The following SNRPN variants were observed in gnomAD, a reference collection of about 807,000 sequenced individuals.
The protein encoded by SNRPN is small nuclear ribonucleoprotein polypeptide N, also known as small nuclear ribonucleoprotein-associated protein N.
SNRPN carries 7 observed loss-of-function variants against 25.2 expected under a neutral mutation model. The ratio of observed to expected loss-of-function variants is 0.28; its 90% CI spans 0.16 to 0.52. SNRPN has a LOEUF of 0.52. Ranked by LOEUF, SNRPN falls within the 20% of genes least tolerant of loss-of-function variation. The pLI is 0.96. For missense variants in SNRPN, 196 were observed against 322.5 expected (o/e 0.61, Z 3.00); for synonymous variants, 124 against 110.6 (o/e 1.12, Z -0.76).
intron 3 of SNRPN, 59 bp from the exon 4 acceptor site, chr15:24,974,252 T>C (rs1308447768): frequency 3.4e-6 from 2 of 594,030 alleles, no homozygotes; most frequent in Admixed American, 3.0e-5. Flanking sequence ...TGCAAAATTG[T>C]CTGCCTGTTT....
At chr15:24,839,668 C>G (rs935617947) in intron 2 of SNRPN, among the ~76,000 whole-genome samples, 4 of 152,108 alleles carry the variant, frequency 2.6e-5, no homozygotes, top group Admixed American at 6.5e-5. Context: ...ATGATGATGA[C>G]AACCACAGCC....
intron 1 of SNRPN, among the ~76,000 whole-genome samples, chr15:24,881,280 T>A (rs1395539505): frequency 1.3e-5 from 2 of 151,432 alleles, no homozygotes; most frequent in East Asian, 3.9e-4. Flanking sequence ...CTCAGCACTT[T>A]GGGACGCCAA....
chr15:24,958,386 C>CTTT (rs75210247), intron 1 of SNRPN, among the ~76,000 whole-genome samples: 1 of 124,218 alleles, frequency 8.1e-6, no homozygotes, highest in African/African-American at 2.9e-5. Context: ...GTCCTGTCTC[C>CTTT]TTTTTTTTTT....
chr15:24,906,115 T>G (rs1391801450), intron 2 of SNRPN, among the ~76,000 whole-genome samples: 2 of 151,870 alleles, frequency 1.3e-5, no homozygotes, highest in Non-Finnish European at 2.9e-5. Context: ...GAATCCTGGG[T>G]TTTTTTGTTT....
chr15:24,905,282 G>A (rs535340883), intron 2 of SNRPN, among the ~76,000 whole-genome samples: 6 of 152,096 alleles, frequency 3.9e-5, no homozygotes, highest in African/African-American at 1.2e-4. Context: ...AGGCCGAGGT[G>A]GGGGGATTAT....
upstream of SNRPN, among the ~76,000 whole-genome samples, chr15:24,853,209 A>G (rs1044206100): frequency 6.6e-6 from 1 of 152,176 alleles, no homozygotes; most frequent in Admixed American, 6.5e-5. Context: ...ATTATCATTC[A>G]CTGCTATCCA....
At chr15:24,970,746 G>A (rs1472230857) in intron 3 of SNRPN, among the ~76,000 whole-genome samples, 2 of 152,110 alleles carry the variant, frequency 1.3e-5, no homozygotes, top group African/African-American at 2.4e-5. Flanking sequence ...CATGAGAAGT[G>A]CTGATGGCCA....
chr15:24,947,056 A>G (rs1211591976), intron 3 of SNRPN, among the ~76,000 whole-genome samples: 1 of 152,126 alleles, frequency 6.6e-6, no homozygotes, highest in African/African-American at 2.4e-5. Flanking sequence ...ATCATTTCCA[A>G]TATTTTGTTT....
intron 3 of SNRPN, chr15:24,968,772 G>T (rs1008515332): frequency 2.6e-5 from 4 of 151,978 alleles, no homozygotes; most frequent in African/African-American, 7.2e-5. Context: ...TTTAACCAAT[G>T]TATTTCCTCT....
intron 3 of SNRPN, among the ~76,000 whole-genome samples, chr15:24,972,959 C>G (rs1024551401): frequency 7.2e-5 from 11 of 152,304 alleles, no homozygotes; most frequent in African/African-American, 2.6e-4. Context: ...GCCATCTCAG[C>G]TCACTGCAAA....
intron 3 of SNRPN, among the ~76,000 whole-genome samples, chr15:24,945,425 C>T (rs2061820207): frequency 1.3e-5 from 2 of 150,220 alleles, no homozygotes; most frequent in Admixed American, 6.7e-5. Context: ...TGTAATCCCA[C>T]CTACTTGAGA....
chr15:24,917,877 T>C (rs1163026659), intron 2 of SNRPN, among the ~76,000 whole-genome samples: 1 of 152,250 alleles, frequency 6.6e-6, no homozygotes, highest in Non-Finnish European at 1.5e-5. Context: ...ATTAATCTTA[T>C]ACTTTTTTCT....
intron 2 of SNRPN, among the ~76,000 whole-genome samples, chr15:24,839,704 T>C (rs1031187698): frequency 6.6e-6 from 1 of 152,130 alleles, no homozygotes; most frequent in African/African-American, 2.4e-5. Flanking sequence ...GCTCTGTTGT[T>C]TCACTGAGCC....
chr15:24,874,042 C>T lies in SNRPN; in HGVS notation c.-578-12474C>T, dbSNP rs1006687566. On this transcript the variant is annotated intron_variant, in intron 1 of 11. Coordinates refer to the SNRPN transcript ENST00000400097. ...AAAAAAAAAAAAAGGCTGCCCGCTG[C>T]GGTGGCTCACGCCTGTAATCCACTT... Among the ~76,000 whole-genome samples the T allele has an allele frequency of 2.5e-4, 38 of 150,468 alleles. 1 individual carries two copies. Among genetic ancestry groups the T allele is most frequent in the Non-Finnish European group, 5.0e-4 (34 of 67,770 alleles).
At chr15:24,904,942 CAA>C (rs33929037) in intron 2 of SNRPN, among the ~76,000 whole-genome samples, 1,541 of 88,230 alleles carry the variant, frequency 0.017, 34 homozygotes, top group African/African-American at 0.063. Context: ...GACTCCGTCT[CAA>C]AAAAAAAAAA....
intron 2 of SNRPN, among the ~76,000 whole-genome samples, chr15:24,890,643 C>T (rs1319178768): frequency 6.6e-6 from 1 of 152,076 alleles, no homozygotes; most frequent in East Asian, 1.9e-4. Flanking sequence ...CGCGCCATTG[C>T]ACTCCAGCCT....
At chr15:24,924,184 A>G (rs1046392463) in intron 3 of SNRPN, among the ~76,000 whole-genome samples, 1 of 151,862 alleles carries the variant, frequency 6.6e-6, no homozygotes, top group Admixed American at 6.6e-5. Context: ...TTAGATATGG[A>G]CACAGGGACA....
At chr15:24,922,171 C>G (rs1026372332) in intron 3 of SNRPN, among the ~76,000 whole-genome samples, 1 of 152,086 alleles carries the variant, frequency 6.6e-6, no homozygotes. Context: ...CAAGATCGTG[C>G]CATTGCACTC....
chr15:24,965,714 C>T (rs747066178), intron 2 of SNRPN, among the ~76,000 whole-genome samples: 1 of 152,154 alleles, frequency 6.6e-6, no homozygotes, highest in Non-Finnish European at 1.5e-5. Context: ...CTAAGCTTCA[C>T]ATGTCTTTTC....
Sources: gnomAD v4.1 joint callset for allele counts (sites outside exome capture counted in the v4.1 genomes callset) on GRCh38, gnomAD v4.1.1 for gene constraint, MANE v1.5 for transcripts, NCBI Gene and HGNC (gene_info 2026-07-23, HGNC 2026-07-21) for gene names.